RIPK4: variants seen among roughly 807,000 people sequenced by gnomAD.
The protein encoded by RIPK4 is receptor interacting serine/threonine kinase 4.
RIPK4 carries 17 observed loss-of-function variants against 42.9 expected under a neutral mutation model. The observed-to-expected ratio is 0.40, with a 90% CI of 0.27 to 0.59. The LOEUF is 0.59. RIPK4 is among the 20% of genes least tolerant of loss of function. The probability of loss-of-function intolerance (pLI) is 0.47; values close to 1 mark genes in which losing one functional copy is unlikely to be tolerated. For synonymous variants in RIPK4, 498 were observed against 499.1 expected, an observed-to-expected ratio of 1.00 and a Z score of 0.03; for missense variants, 897 against 1,104.4, an observed-to-expected ratio of 0.81 and a Z score of 2.66.
At chr21:41,759,813 C>T (rs1478686325) in intron 1 of RIPK4, among the ~76,000 whole-genome samples, 1 of 152,224 alleles carries the variant, frequency 6.6e-6, no homozygotes, top group African/African-American at 2.4e-5. Context: ...AGTGAAAACA[C>T]TTTCCCTGCA....
chr21:41,760,217 A>G (rs535441655), intron 1 of RIPK4, among the ~76,000 whole-genome samples: 45 of 152,278 alleles, frequency 3.0e-4, no homozygotes, highest in Non-Finnish European at 5.3e-4. Context: ...TCACCACTTC[A>G]GTATTCCCAG....
rs1434599402 is a variant in RIPK4 at position 41,743,985 on chromosome 21, C to T, written c.1092G>A (p.Ser364=). 25 of 1,613,390 alleles carry T rather than the reference C, an allele frequency of 1.5e-5. No individual in the cohort carries two copies. The highest frequency in any genetic ancestry group is 1.2e-4 in the African/African-American group (9 of 74,898). ...CCGAGAGCCTCTTCCCACTGCCGGACGATGGCAGCTTGGACTCAGAGGAGC... is the reference window on the plus strand; with the variant it reads ...CCGAGAGCCTCTTCCCACTGCCGGATGATGGCAGCTTGGACTCAGAGGAGC... The part of the protein sequence containing the change: ...SRSSSESKLP[S]SGSGKRLSGV... Residue 364 remains serine, a synonymous_variant, in exon 7 of 8, where the codon TCG becomes TCA. Transcript: ENST00000332512.
In RIPK4 at chr21:41,741,624, C is replaced by T. The variant is rs147543398; in HGVS notation, c.1569G>A (p.Leu523=). The change falls in exon 8 of 8, where the codon CTG becomes CTA. Residue 523 remains leucine, a synonymous_variant. Transcript: ENST00000332512. ...QNGDESSTRL[L]LEKNASVNEV... is the part of the protein sequence containing the mutation. ...CGTTGACCGAGGCGTTCTTCTCCAA[C>T]AGCAGCCGTGTGCTAGACTCGTCCC... The T allele has an allele frequency of 3.7e-5, 60 of 1,613,208 alleles. No individual in the cohort carries two copies. In the African/African-American group the frequency reaches 6.7e-4, roughly 18 times the overall value.
intron 1 of RIPK4, among the ~76,000 whole-genome samples, chr21:41,763,211 G>A (rs73371629): frequency 0.099 from 15,043 of 152,220 alleles, 796 homozygotes; most frequent in African/African-American, 0.13. Flanking sequence ...AAGATACGGT[G>A]AGTAGCACTT....
At chr21:41,745,334 T>C (rs987960058) in intron 6 of RIPK4, among the ~76,000 whole-genome samples, 2 of 152,220 alleles carry the variant, frequency 1.3e-5, no homozygotes, top group Non-Finnish European at 2.9e-5. Context: ...TTGGAGCTTC[T>C]TATCACATCT....
chr21:41,763,780 G>A (rs1569108157), intron 1 of RIPK4, among the ~76,000 whole-genome samples: 1 of 152,216 alleles, frequency 6.6e-6, no homozygotes, highest in Non-Finnish European at 1.5e-5. Flanking sequence ...GTTTGCTCAG[G>A]CTCGCCCCGA....
rs532143018 is a variant in RIPK4, at chr21:41,745,916, C to T, written c.833-54G>A. On this transcript the variant is annotated intron_variant, in intron 5 of 7. Coordinates refer to ENST00000332512, the MANE Select transcript of RIPK4 (RefSeq NM_020639.3). ...TCGGATGATGACTTCTGCGTACACACGCGTTCCATATAAACGCAGGGCCCC... is the reference window on the plus strand; with the variant it reads ...TCGGATGATGACTTCTGCGTACACATGCGTTCCATATAAACGCAGGGCCCC... 3.6e-5 allele frequency: 50 copies of T among 1,386,240 alleles called. No individual in the cohort carries two copies. The Middle Eastern group carries it at 5.3e-4, about 15-fold the overall frequency. 85.9% of individuals were successfully genotyped at this position (1,386,240 alleles called of 1,614,324 possible). A position where few individuals can be genotyped will look rare whatever the true frequency, so the allele number is the denominator to read the frequency against.
chr21:41,745,303 G>C (rs542596760), intron 6 of RIPK4, among the ~76,000 whole-genome samples: 8 of 152,328 alleles, frequency 5.3e-5, no homozygotes, highest in African/African-American at 1.9e-4. Context: ...ACCCGAAAAG[G>C]CATTTAGCCA....
chr21:41,766,971 C>T lies in RIPK4; in HGVS notation c.71G>A (p.Gly24Asp), dbSNP rs764919395. The change falls in exon 1 of 8, where the codon GGC becomes GAC. Residue 24 changes from glycine (G) to aspartate (D), a missense_variant. By Grantham distance (94) the Gly-to-Asp change is moderately conservative. Coordinates refer to ENST00000332512, the MANE Select transcript of RIPK4 (RefSeq NM_020639.3). The stretch of plus-strand genomic sequence containing the variant: ...GCCGCCCGAGCCCACCTTCTCCCAG[C>T]CCGTGAACTCGCCCGCGTCGAAGGT... Reference protein sequence around the residue: ...LRTFDAGEFTGWEKVGSGGFG... With the variant: ...LRTFDAGEFTDWEKVGSGGFG... The T allele has an allele frequency of 1.2e-6, 2 of 1,606,254 alleles. No individual in the cohort carries two copies. Among genetic ancestry groups the T allele is most frequent in the Admixed American group, 3.3e-5 (2 of 59,736 alleles).
Position 41,740,926 on chromosome 21 carries a change from C to T in RIPK4, c.2267G>A (p.Arg756Lys). The T allele has an allele frequency of 6.2e-7, 1 of 1,612,680 alleles. No individual in the cohort carries two copies. Residue 756 changes from arginine to lysine, a missense_variant, in exon 8 of 8, where the codon AGG (arginine) becomes AAG (lysine). Physicochemically the swap from Arg to Lys is conservative, Grantham distance 26. Transcript: ENST00000332512. Reference sequence around the variant, plus strand: ...CTGCAGGTTGATGTGGGCCCCATGCCTGAGCAGAGTCTCCACCGTCTGTGC... The same window carrying T: ...CTGCAGGTTGATGTGGGCCCCATGCTTGAGCAGAGTCTCCACCGTCTGTGC... ...RHAQTVETLL[R>K]HGAHINLQSL...
chr21:41,752,707 A>G (rs1330030974), intron 2 of RIPK4, among the ~76,000 whole-genome samples: 1 of 152,244 alleles, frequency 6.6e-6, no homozygotes, highest in African/African-American at 2.4e-5. Context: ...TCCAGAGCAC[A>G]GGAAGTTTCA....
chr21:41,756,499 C>G (rs1220399441), intron 2 of RIPK4, 26 bp downstream of exon 2: 1 of 1,600,364 alleles, frequency 6.2e-7, no homozygotes, highest in Non-Finnish European at 8.5e-7. Context: ...CTGCCCAGCT[C>G]TCTCGGGCAC....
chr21:41,760,148 T>A (rs1158771531), intron 1 of RIPK4, among the ~76,000 whole-genome samples: 1 of 152,228 alleles, frequency 6.6e-6, no homozygotes. Flanking sequence ...CCAAGTTGAA[T>A]AACCCCGATG....
At position 41,741,748 on chromosome 21, in the gene RIPK4, C is replaced by T; in HGVS notation, c.1445G>A (p.Arg482Lys). 1 of 1,612,296 alleles carries T rather than the reference C, an allele frequency of 6.2e-7. No individual in the cohort carries two copies. The highest frequency in any genetic ancestry group is 8.5e-7 in the Non-Finnish European group (1 of 1,180,012). The stretch of plus-strand genomic sequence containing the variant: ...CAGGAGCTCCACGACACCCCGCACC[C>T]TCCTCTCCACGGCCATGTGCAACGG... ...STPLHMAVERRVRGVVELLLA... is the reference protein window; with the variant it reads ...STPLHMAVERKVRGVVELLLA... The change falls in exon 8 of 8, where the codon AGG (arginine) becomes AAG (lysine). Residue 482 changes from arginine (R) to lysine (K), a missense_variant. By Grantham distance (26) the Arg-to-Lys change is conservative. Transcript: ENST00000332512.
At chr21:41,761,507 T>C (rs1382320068) in intron 1 of RIPK4, among the ~76,000 whole-genome samples, 1 of 151,874 alleles carries the variant, frequency 6.6e-6, no homozygotes, top group African/African-American at 2.4e-5. Flanking sequence ...CTCCGGACAC[T>C]CTGCCCCGGG....
At chr21:41,744,421 T>A (rs1436833808) in intron 6 of RIPK4, among the ~76,000 whole-genome samples, 1 of 151,856 alleles carries the variant, frequency 6.6e-6, no homozygotes, top group Non-Finnish European at 1.5e-5. Context: ...CGCACAGCAC[T>A]TGGGATGCTC....
intron 2 of RIPK4, among the ~76,000 whole-genome samples, chr21:41,754,646 C>G (rs188595985): frequency 9.4e-4 from 143 of 152,316 alleles, no homozygotes; most frequent in Non-Finnish European, 1.8e-3. Flanking sequence ...TTTCCTTCAC[C>G]TAAAGGCTCT....
chr21:41,754,724 C>A (rs963900041), intron 2 of RIPK4, among the ~76,000 whole-genome samples: 1 of 152,108 alleles, frequency 6.6e-6, no homozygotes, highest in African/African-American at 2.4e-5. Context: ...GCCCCAGGAG[C>A]ACTCCCACCC....
rs1347244479 is a variant in RIPK4, at chr21:41,755,796, AC to A, written c.474+728del. ...ACCACCACATGTCAACGACAGTACA[AC>A]CCTAGCCACGAAGGCCATCAAAGGA... On this transcript the variant is annotated intron_variant, in intron 2 of 7. Transcript: ENST00000332512. The surrounding 1 kb of genome is among the most constrained non-coding windows in gnomAD (Gnocchi z 4.2). Among the ~76,000 whole-genome samples, 1 of 152,254 alleles carries A rather than the reference AC, an allele frequency of 6.6e-6. No homozygotes were observed. Among genetic ancestry groups the A allele is most frequent in the East Asian group, 1.9e-4 (1 of 5,186 alleles).
Sources: allele counts gnomAD v4.1 joint callset (sites outside exome capture counted in the v4.1 genomes callset), GRCh38; gene constraint gnomAD v4.1.1; non-coding constraint Gnocchi (gnomAD v3.1); transcripts MANE v1.5; gene names NCBI Gene and HGNC (gene_info 2026-07-23, HGNC 2026-07-21).